GLIS3: variants seen among roughly 807,000 people sequenced by gnomAD.
GLIS3 encodes zinc finger protein GLIS3.
In GLIS3, 53 loss-of-function variants were observed where a neutral mutation model predicts 78.6. The ratio of observed to expected loss-of-function variants is 0.67; its 90% confidence interval spans 0.54 to 0.85. The LOEUF is 0.85. Among genes scored for constraint, GLIS3 ranks in the 40% least tolerant of loss-of-function variants. The pLI is 0.00. For missense variants in GLIS3, 1,703 were observed against 1,231.1 expected (o/e 1.38, Z -5.74); for synonymous variants, 684 against 509.9 (o/e 1.34, Z -4.60).
intron 2 of GLIS3, among the ~76,000 whole-genome samples, chr9:4,284,327 C>A (rs1470357839): frequency 6.6e-6 from 1 of 152,154 alleles, no homozygotes; most frequent in Non-Finnish European, 1.5e-5. Context: ...TTATTAGTGT[C>A]AGTCAGGATT....
the GLIS3 span, among the ~76,000 whole-genome samples, chr9:4,424,057 A>G: frequency 2.0e-5 from 3 of 152,236 alleles, no homozygotes; most frequent in Non-Finnish European, 2.9e-5. Context: ...CCTAAAATCA[A>G]TTGAAGCAAA....
At chr9:3,837,156 T>C (rs1430587841) in intron 9 of GLIS3, among the ~76,000 whole-genome samples, 4 of 152,126 alleles carry the variant, frequency 2.6e-5, no homozygotes, top group African/African-American at 9.7e-5. Flanking sequence ...TCTGAAAAGG[T>C]GGCTATTTTC....
At chr9:4,400,651 C>G in the GLIS3 span, among the ~76,000 whole-genome samples, 1 of 152,216 alleles carries the variant, frequency 6.6e-6, no homozygotes, top group Non-Finnish European at 1.5e-5. Flanking sequence ...AACCTCACAA[C>G]TATCACATTG....
intron 7 of GLIS3, among the ~76,000 whole-genome samples, chr9:3,881,852 C>A (rs1165876350): frequency 1.3e-5 from 2 of 152,200 alleles, no homozygotes. Context: ...TAGTATAAAT[C>A]ATTGGACAGT....
At chr9:4,296,194 C>G (rs1436805825) in intron 1 of GLIS3, among the ~76,000 whole-genome samples, 1 of 151,474 alleles carries the variant, frequency 6.6e-6, no homozygotes, top group Non-Finnish European at 1.5e-5. Flanking sequence ...AATTAACACT[C>G]CAACTCCAAA....
chr9:4,338,591 C>G (rs953857569), intron 2 of GLIS3, among the ~76,000 whole-genome samples: 1 of 152,026 alleles, frequency 6.6e-6, no homozygotes, highest in Admixed American at 6.5e-5. Flanking sequence ...TCAAATAGGT[C>G]TGGAAGAATC....
chr9:4,483,232 G>A, the GLIS3 span, among the ~76,000 whole-genome samples: 1 of 152,138 alleles, frequency 6.6e-6, no homozygotes, highest in East Asian at 1.9e-4. Flanking sequence ...TTGGTTGCAA[G>A]CAGCAGTTAC....
chr9:4,204,389 C>T (rs1188754646), intron 2 of GLIS3, among the ~76,000 whole-genome samples: 1 of 152,090 alleles, frequency 6.6e-6, no homozygotes, highest in African/African-American at 2.4e-5. Context: ...GTAAGAGACT[C>T]CATGCATACA....
chr9:4,198,331 A>T (rs1411079064), intron 2 of GLIS3, among the ~76,000 whole-genome samples: 1 of 152,192 alleles, frequency 6.6e-6, no homozygotes, highest in Non-Finnish European at 1.5e-5. Context: ...TAATTCTAAA[A>T]ATTGTATTTT....
At chr9:4,380,298 A>AT in the GLIS3 span, among the ~76,000 whole-genome samples, 1 of 152,206 alleles carries the variant, frequency 6.6e-6, no homozygotes, top group Non-Finnish European at 1.5e-5. Flanking sequence ...ATCTTCTATT[A>AT]TATGTAATAA....
At chr9:4,396,955 C>G in the GLIS3 span, among the ~76,000 whole-genome samples, 8 of 152,008 alleles carry the variant, frequency 5.3e-5, no homozygotes, top group East Asian at 7.7e-4. Context: ...TTTTCCTAAG[C>G]AGCTTCTTCT....
intron 6 of GLIS3, among the ~76,000 whole-genome samples, chr9:3,910,145 C>T (rs967634655): frequency 3.3e-5 from 5 of 152,034 alleles, no homozygotes; most frequent in Admixed American, 6.6e-5. Context: ...ACAGATCCAC[C>T]CCCCTGTGGT....
At chr9:3,886,310 G>A (rs1206905337) in intron 7 of GLIS3, among the ~76,000 whole-genome samples, 1 of 152,128 alleles carries the variant, frequency 6.6e-6, no homozygotes, top group Non-Finnish European at 1.5e-5. Context: ...ATGAAGTGGG[G>A]CCTGTGAAAG....
intron 4 of GLIS3, among the ~76,000 whole-genome samples, chr9:4,022,600 T>C (rs989873494): frequency 6.6e-6 from 1 of 152,170 alleles, no homozygotes; most frequent in African/African-American, 2.4e-5. Context: ...AATGCAAACA[T>C]CTGTCCACAG....
intron 2 of GLIS3, among the ~76,000 whole-genome samples, chr9:4,196,865 A>G (rs1586946712): frequency 3.3e-5 from 5 of 152,262 alleles, no homozygotes; most frequent in African/African-American, 1.2e-4. Flanking sequence ...CCTGGAACCA[A>G]TCTGCATGTG....
intron 2 of GLIS3, among the ~76,000 whole-genome samples, chr9:4,148,663 G>C (rs990253770): frequency 6.6e-6 from 1 of 152,032 alleles, no homozygotes; most frequent in Non-Finnish European, 1.5e-5. Flanking sequence ...TAATGCCTAT[G>C]AACAGGTAAT....
chr9:3,837,860 T>C (rs898079643), intron 9 of GLIS3, among the ~76,000 whole-genome samples: 1 of 152,158 alleles, frequency 6.6e-6, no homozygotes, highest in Non-Finnish European at 1.5e-5. Flanking sequence ...TTAAAACTCA[T>C]AGGCTGTACA....
chr9:4,282,131 T>G (rs532373222), intron 2 of GLIS3, among the ~76,000 whole-genome samples: 1 of 152,350 alleles, frequency 6.6e-6, no homozygotes, highest in African/African-American at 2.4e-5. Flanking sequence ...AACTTAACCT[T>G]TCTCCGTACA....
chr9:4,400,013 G>C, the GLIS3 span, among the ~76,000 whole-genome samples: 1 of 152,230 alleles, frequency 6.6e-6, no homozygotes, highest in Non-Finnish European at 1.5e-5. Context: ...TGGGCAATGG[G>C]ATGAGACAAG....
Sources: gnomAD v4.1 joint callset for allele counts (sites outside exome capture counted in the v4.1 genomes callset) on GRCh38, gnomAD v4.1.1 for gene constraint, MANE v1.5 for transcripts, NCBI Gene and HGNC (gene_info 2026-07-23, HGNC 2026-07-21) for gene names.